Variants in FRMD4A observed in about 807,000 individuals in gnomAD.
The protein encoded by FRMD4A is FERM domain-containing protein 4A.
A neutral mutation model predicts 129.1 loss-of-function variants in FRMD4A; 29 were observed. The observed-to-expected ratio is 0.22, with a 90% CI of 0.17 to 0.31. FRMD4A has a LOEUF of 0.31. Ranked by LOEUF, FRMD4A falls within the 10% of genes least tolerant of loss-of-function variation. The pLI is 1.00. For synonymous variants in FRMD4A, 634 were observed against 571.6 expected (o/e 1.11, Z -1.56); for missense variants, 1,272 against 1,375.8 (o/e 0.92, Z 1.19).
intron 2 of FRMD4A, among the ~76,000 whole-genome samples, chr10:14,277,795 G>A (rs111740899): frequency 6.6e-6 from 1 of 152,150 alleles, no homozygotes; most frequent in Non-Finnish European, 1.5e-5. Flanking sequence ...TTGCCTACTG[G>A]GGAAGGGAGG....
chr10:13,867,485 T>C (rs1474954898), intron 2 of FRMD4A, among the ~76,000 whole-genome samples: 1 of 149,596 alleles, frequency 6.7e-6, no homozygotes, highest in Non-Finnish European at 1.5e-5. Context: ...GCTCTTGAAC[T>C]CCTGGGCTCA....
intron 2 of FRMD4A, among the ~76,000 whole-genome samples, chr10:13,931,247 T>G (rs146600571): frequency 0.013 from 1,948 of 152,256 alleles, 21 homozygotes; most frequent in Middle Eastern, 0.044. Context: ...TTGCCCAAAG[T>G]CCCAGAGCTA....
At chr10:14,235,743 G>T (rs992642686) in intron 2 of FRMD4A, among the ~76,000 whole-genome samples, 1 of 152,214 alleles carries the variant, frequency 6.6e-6, no homozygotes, top group Non-Finnish European at 1.5e-5. Flanking sequence ...ATTCCAGAGT[G>T]CAGCAGAATA....
intron 15 of FRMD4A, chr10:13,693,545 C>A: frequency 8.3e-7 from 1 of 1,201,028 alleles, no homozygotes; most frequent in Non-Finnish European, 1.1e-6. Flanking sequence ...CAAGTGGGCA[C>A]ATGAGCGGAT....
intron 4 of FRMD4A, among the ~76,000 whole-genome samples, chr10:13,809,553 A>T (rs560761718): frequency 1.3e-5 from 2 of 152,348 alleles, no homozygotes; most frequent in South Asian, 4.1e-4. Flanking sequence ...TTCCCCGCAC[A>T]GCCCTGAACC....
intron 2 of FRMD4A, among the ~76,000 whole-genome samples, chr10:13,932,112 C>T (rs895045882): frequency 1.3e-5 from 2 of 152,238 alleles, no homozygotes; most frequent in Non-Finnish European, 1.5e-5. Context: ...AATTCTATTG[C>T]TCCCTGAGAA....
chr10:13,654,474 T>G lies in FRMD4A; in HGVS notation c.2992A>C (p.Ser998Arg). ...PQSQRSSTPS[S>R]EIGATPPSSP... The stretch of plus-strand genomic sequence containing the variant: ...CTTGGGGGGGTGGCTCCAATTTCAC[T>G]TGACGGTGTCGAGCTTCTCTGGCTT... Residue 998 changes from serine to arginine, a missense_variant, in exon 23 of 25, where the codon AGT (serine) becomes CGT (arginine). Around this residue, in one of 2 missense-constraint regions of FRMD4A, gnomAD observed 972 missense variants for 892.3 expected, o/e 1.09. Transcript: ENST00000357447. The G allele has an allele frequency of 6.2e-7, 1 of 1,614,000 alleles. No homozygotes were observed.
intron 2 of FRMD4A, among the ~76,000 whole-genome samples, chr10:14,236,131 C>T (rs7898553): frequency 6.6e-6 from 1 of 152,046 alleles, no homozygotes; most frequent in Non-Finnish European, 1.5e-5. Flanking sequence ...ATGCTCTTCG[C>T]GCACTTGCCT....
rs182248907 is a variant in FRMD4A, at chr10:13,921,985, T to G, written c.46-63073A>C. ...CCTTTGGTAGGCGATTAGGTGTAGATGAGTTCTAAGGGTGGAGCCTGCATG... is the reference window on the plus strand; with the variant it reads ...CCTTTGGTAGGCGATTAGGTGTAGAGGAGTTCTAAGGGTGGAGCCTGCATG... On this transcript the variant is annotated intron_variant, in intron 2 of 24. Coordinates refer to ENST00000357447, the MANE Select transcript of FRMD4A (RefSeq NM_018027.5). Among the ~76,000 whole-genome samples, 235 of 152,172 alleles carry G rather than the reference T, an allele frequency of 1.5e-3. 1 individual carries two copies. The highest frequency in any genetic ancestry group is 5.5e-3 in the African/African-American group (230 of 41,502).
intron 2 of FRMD4A, among the ~76,000 whole-genome samples, chr10:14,319,542 T>G (rs1846894671): frequency 6.6e-6 from 1 of 152,228 alleles, no homozygotes; most frequent in Non-Finnish European, 1.5e-5. Flanking sequence ...TCACCAAGAC[T>G]TCTTCAATGG....
At chr10:14,080,982 A>C (rs744443) in intron 2 of FRMD4A, among the ~76,000 whole-genome samples, 21,589 of 151,872 alleles carry the variant, frequency 0.14, 2,025 homozygotes, top group African/African-American at 0.26. Context: ...CTGTAAGTGG[A>C]GACAGTAAGC....
intron 3 of FRMD4A, among the ~76,000 whole-genome samples, chr10:13,831,686 A>G (rs1253237412): frequency 2.0e-5 from 3 of 152,186 alleles, no homozygotes; most frequent in East Asian, 3.8e-4. Flanking sequence ...TTGACACATA[A>G]TTATTACTTA....
chr10:14,231,337 C>A (rs113392379), intron 2 of FRMD4A, among the ~76,000 whole-genome samples: 2,914 of 150,918 alleles, frequency 0.019, 30 homozygotes, highest in Middle Eastern at 0.028. Context: ...GAGATGATAT[C>A]TCATTGTGGT....
In FRMD4A at chr10:14,140,980, A is replaced by T. The variant is rs575339391; in HGVS notation, c.45+189078T>A. Reference sequence around the variant, plus strand: ...AATTGTAGAAGGACAGCAGAGATTCAGCCACAGGGAAGTGGCAGTCCAACC... The same window carrying T: ...AATTGTAGAAGGACAGCAGAGATTCTGCCACAGGGAAGTGGCAGTCCAACC... On this transcript the variant is annotated intron_variant, in intron 2 of 24. Transcript: ENST00000357447. Among the ~76,000 whole-genome samples the T allele has an allele frequency of 3.3e-5, 5 of 152,224 alleles. No individual in the cohort carries two copies. The South Asian group carries it at 1.0e-3, about 32-fold the overall frequency.
At chr10:13,754,278 A>C (rs1431077077) in intron 8 of FRMD4A, among the ~76,000 whole-genome samples, 1 of 129,292 alleles carries the variant, frequency 7.7e-6, no homozygotes, top group East Asian at 2.4e-4. Flanking sequence ...AATTTGAAGA[A>C]TATCATCCTG....
At position 13,743,136 on chromosome 10, in the gene FRMD4A, G is replaced by C. The variant is rs943504931; in HGVS notation, c.549-2559C>G. Among the ~76,000 whole-genome samples, 5 of 152,140 alleles carry C rather than the reference G, an allele frequency of 3.3e-5. No individual in the cohort carries two copies. In the South Asian group the frequency reaches 8.3e-4, roughly 25 times the overall value. The stretch of plus-strand genomic sequence containing the variant: ...TTGGAGAGTCACTTCTGTGGGGTCT[G>C]GATATCCTCTATTCAGAAAGGGGCA... On this transcript the variant is annotated intron_variant, in intron 9 of 24. Transcript: ENST00000357447.
At chr10:13,899,755 T>C (rs2094798269) in intron 2 of FRMD4A, among the ~76,000 whole-genome samples, 1 of 152,238 alleles carries the variant, frequency 6.6e-6, no homozygotes, top group East Asian at 1.9e-4. Context: ...TGAGCTCTTA[T>C]TGTCCATGCT....
chr10:14,248,010 G>A (rs1589225597), intron 2 of FRMD4A, among the ~76,000 whole-genome samples: 1 of 152,250 alleles, frequency 6.6e-6, no homozygotes, highest in East Asian at 1.9e-4. Context: ...TGTTCCCTCT[G>A]TTCTCAAACC....
chr10:13,986,743 T>G (rs1021845471), intron 2 of FRMD4A, among the ~76,000 whole-genome samples: 1 of 151,546 alleles, frequency 6.6e-6, no homozygotes, highest in African/African-American at 2.4e-5. Context: ...GATTCTGATT[T>G]TATTGGTCTG....
Sources: gnomAD v4.1 joint callset for allele counts (sites outside exome capture counted in the v4.1 genomes callset) on GRCh38, gnomAD v4.1.1 for gene constraint, gnomAD v4.1.1 regional missense constraint, MANE v1.5 for transcripts, NCBI Gene and HGNC (gene_info 2026-07-23, HGNC 2026-07-21) for gene names.